Variants in IMMP2L observed in about 807,000 individuals in gnomAD.
The protein encoded by IMMP2L is mitochondrial inner membrane protease subunit 2.
A neutral mutation model predicts 19.3 loss-of-function variants in IMMP2L; 18 were observed. The observed-to-expected ratio is 0.93, with a 90% CI of 0.64 to 1.38. IMMP2L has a LOEUF of 1.38. IMMP2L is among the 40% of genes most tolerant of loss of function. The pLI is 0.00. For synonymous variants in IMMP2L, 76 were observed against 73.0 expected (o/e 1.04, Z -0.21); for missense variants, 233 against 218.2 (o/e 1.07, Z -0.43).
At chr7:110,950,851 T>TATAC (rs1554470778) in intron 4 of IMMP2L, among the ~76,000 whole-genome samples, 1 of 124,220 alleles carries the variant, frequency 8.1e-6, no homozygotes, top group Non-Finnish European at 1.6e-5. Flanking sequence ...CATATATATA[T>TATAC]ATATATATAT....
intron 5 of IMMP2L, among the ~76,000 whole-genome samples, chr7:110,670,655 A>C: frequency 6.7e-6 from 1 of 148,588 alleles, no homozygotes; most frequent in East Asian, 2.0e-4. Context: ...ATGCCACTGC[A>C]CTCCAGCCTT....
chr7:110,794,742 A>G (rs549540401), intron 5 of IMMP2L, among the ~76,000 whole-genome samples: 2 of 152,216 alleles, frequency 1.3e-5, no homozygotes, highest in African/African-American at 4.8e-5. Flanking sequence ...TGTTTTGATT[A>G]TGAGATGAAG....
chr7:110,689,113 C>T lies in IMMP2L; in HGVS notation c.409-25392G>A, dbSNP rs556890035. Among the ~76,000 whole-genome samples, 15 of 152,222 alleles carry T rather than the reference C, an allele frequency of 9.9e-5. 1 individual carries two copies. The highest frequency in any genetic ancestry group is 1.9e-4 in the East Asian group (1 of 5,178). On this transcript the variant is annotated intron_variant, in intron 5 of 5. Transcript: ENST00000405709. ...TCATCCTGGGCCTACTGATCAGAAACGCTGGGTGTGGAACTCCGCATTCTG... is the reference window on the plus strand; with the variant it reads ...TCATCCTGGGCCTACTGATCAGAAATGCTGGGTGTGGAACTCCGCATTCTG...
intron 3 of IMMP2L, among the ~76,000 whole-genome samples, chr7:111,039,898 G>GT (rs1563184502): frequency 6.6e-6 from 1 of 152,126 alleles, no homozygotes; most frequent in Non-Finnish European, 1.5e-5. Flanking sequence ...GGGCAGGGTG[G>GT]TTCACACCTG....
chr7:111,216,955 A>G, intron 3 of IMMP2L, among the ~76,000 whole-genome samples: 1 of 152,168 alleles, frequency 6.6e-6, no homozygotes, highest in African/African-American at 2.4e-5. Flanking sequence ...CATGCAAGTG[A>G]TTTTGCCCAT....
intron 3 of IMMP2L, among the ~76,000 whole-genome samples, chr7:111,070,186 T>C (rs1794833906): frequency 6.6e-6 from 1 of 152,068 alleles, no homozygotes; most frequent in South Asian, 2.1e-4. Flanking sequence ...CTTTGAATAA[T>C]GAAAAGAAAG....
At chr7:111,017,744 C>T (rs1457908883) in intron 3 of IMMP2L, among the ~76,000 whole-genome samples, 2 of 152,108 alleles carry the variant, frequency 1.3e-5, no homozygotes, top group African/African-American at 4.8e-5. Context: ...AAGGGCCCAG[C>T]CCTCATTAAG....
At chr7:111,010,456 G>A (rs1201721463) in intron 3 of IMMP2L, among the ~76,000 whole-genome samples, 1 of 152,012 alleles carries the variant, frequency 6.6e-6, no homozygotes, top group African/African-American at 2.4e-5. Context: ...ACTAGATAAA[G>A]ACAGGTAATC....
At chr7:111,489,653 G>T (rs1031979451) in intron 2 of IMMP2L, among the ~76,000 whole-genome samples, 40 of 152,246 alleles carry the variant, frequency 2.6e-4, no homozygotes, top group African/African-American at 9.6e-4. Flanking sequence ...TCAAAATTCT[G>T]CATGGAGGCT....
chr7:111,272,266 C>G (rs2130316340), intron 3 of IMMP2L, among the ~76,000 whole-genome samples: 1 of 152,234 alleles, frequency 6.6e-6, no homozygotes, highest in South Asian at 2.1e-4. Flanking sequence ...TTTATCCTCC[C>G]TCAGGGCTTT....
intron 3 of IMMP2L, among the ~76,000 whole-genome samples, chr7:111,256,393 A>G (rs1816700709): frequency 6.6e-6 from 1 of 152,098 alleles, no homozygotes; most frequent in Non-Finnish European, 1.5e-5. Flanking sequence ...TTTTCTACAT[A>G]TAACACTGAT....
chr7:110,879,025 C>T (rs966512539), intron 5 of IMMP2L, among the ~76,000 whole-genome samples: 20 of 152,086 alleles, frequency 1.3e-4, no homozygotes, highest in African/African-American at 4.1e-4. Context: ...TATTAGGGGA[C>T]GATCTAATAT....
intron 3 of IMMP2L, among the ~76,000 whole-genome samples, chr7:110,990,626 T>G (rs1335480073): frequency 1.3e-5 from 2 of 152,134 alleles, no homozygotes; most frequent in Non-Finnish European, 2.9e-5. Flanking sequence ...CTCCTTTTCT[T>G]TGTCACTTTC....
At chr7:111,094,592 T>C (rs1296795324) in intron 3 of IMMP2L, among the ~76,000 whole-genome samples, 2 of 152,178 alleles carry the variant, frequency 1.3e-5, no homozygotes, top group Non-Finnish European at 2.9e-5. Flanking sequence ...ATCTTGTCAG[T>C]GCTGTCAAAG....
rs572350603 is a variant in IMMP2L, at chr7:111,267,279, T to A, written c.239+219959A>T. Among the ~76,000 whole-genome samples the A allele has an allele frequency of 1.8e-3, 278 of 152,276 alleles. 3 individuals are homozygous for A. Among genetic ancestry groups the A allele is most frequent in the African/African-American group, 6.4e-3 (264 of 41,562 alleles). ...GAGGCATTAAAAAAACATAGTGATT[T>A]AGGGGAATTTTAGGTAATTTGAATG... On this transcript the variant is annotated intron_variant, in intron 3 of 5. Transcript: ENST00000405709.
intron 3 of IMMP2L, among the ~76,000 whole-genome samples, chr7:111,250,263 A>C (rs37730): frequency 6.6e-6 from 1 of 152,110 alleles, no homozygotes; most frequent in Admixed American, 6.5e-5. Context: ...AAGGACACAA[A>C]TAAATGGAAA....
chr7:111,364,239 T>C (rs916458441), intron 3 of IMMP2L, among the ~76,000 whole-genome samples: 3 of 152,164 alleles, frequency 2.0e-5, no homozygotes, highest in Non-Finnish European at 4.4e-5. Flanking sequence ...AGAATTGTAA[T>C]AGCCAGCTCT....
intron 3 of IMMP2L, among the ~76,000 whole-genome samples, chr7:111,420,087 C>T (rs1020806850): frequency 6.6e-6 from 1 of 151,792 alleles, no homozygotes; most frequent in Non-Finnish European, 1.5e-5. Flanking sequence ...TGGTACATTA[C>T]ATGTTATATA....
intron 5 of IMMP2L, among the ~76,000 whole-genome samples, chr7:110,835,978 G>A (rs1804426314): frequency 6.6e-6 from 1 of 152,018 alleles, no homozygotes; most frequent in Admixed American, 6.6e-5. Context: ...ACACCCAATT[G>A]TTCACTGTCA....
Sources: gnomAD v4.1 joint callset for allele counts (sites outside exome capture counted in the v4.1 genomes callset) on GRCh38, gnomAD v4.1.1 for gene constraint, MANE v1.5 for transcripts, NCBI Gene and HGNC (gene_info 2026-07-23, HGNC 2026-07-21) for gene names.